EPM2A: variants seen among roughly 807,000 people sequenced by gnomAD.
EPM2A encodes the protein EPM2A glucan phosphatase, laforin.
A neutral mutation model predicts 26.5 loss-of-function variants in EPM2A; 21 were observed. That is an observed-to-expected ratio of 0.79 (90% CI 0.56 to 1.14). EPM2A has a LOEUF of 1.14. Ranked by LOEUF, EPM2A falls within the 50% of genes most tolerant of loss-of-function variation. The pLI is 0.00. For missense variants in EPM2A, 458 were observed against 440.8 expected (o/e 1.04, Z -0.35); for synonymous variants, 217 against 177.6 (o/e 1.22, Z -1.76).
intron 2 of EPM2A, among the ~76,000 whole-genome samples, chr6:145,620,118 G>A (rs1454220531): frequency 6.6e-6 from 1 of 152,142 alleles, no homozygotes; most frequent in Non-Finnish European, 1.5e-5. Context: ...TTAGACCAGT[G>A]GTCCCCAACC....
intron 2 of EPM2A, among the ~76,000 whole-genome samples, chr6:145,660,594 G>A (rs1390650693): frequency 6.6e-6 from 1 of 152,142 alleles, no homozygotes; most frequent in East Asian, 1.9e-4. Context: ...CTGAGGTCAG[G>A]AATTCGAGAC....
intron 4 of EPM2A, among the ~76,000 whole-genome samples, chr6:145,406,651 CAG>C (rs1299547309): frequency 6.6e-6 from 1 of 152,116 alleles, no homozygotes; most frequent in African/African-American, 2.4e-5. Context: ...GACACTTGGT[CAG>C]AGACTGGATT....
intron 2 of EPM2A, among the ~76,000 whole-genome samples, chr6:145,681,354 C>T: frequency 6.6e-6 from 1 of 150,996 alleles, no homozygotes; most frequent in Non-Finnish European, 1.5e-5. Context: ...CCTGTTCACT[C>T]TGATGGTAGT....
intron 1 of EPM2A, among the ~76,000 whole-genome samples, chr6:145,727,373 T>C (rs779002224): frequency 1.3e-5 from 2 of 152,184 alleles, no homozygotes; most frequent in Non-Finnish European, 2.9e-5. Context: ...ATGGGATTCA[T>C]AGCAGATTAG....
intron 2 of EPM2A, among the ~76,000 whole-genome samples, chr6:145,556,909 A>G (rs1780734751): frequency 1.3e-5 from 2 of 152,124 alleles, no homozygotes; most frequent in African/African-American, 2.4e-5. Context: ...TTGGTGGTGT[A>G]TATATGGAAA....
intron 4 of EPM2A, among the ~76,000 whole-genome samples, chr6:145,457,503 A>G (rs1385273865): frequency 1.3e-5 from 2 of 151,876 alleles, no homozygotes; most frequent in Admixed American, 6.6e-5. Context: ...AAAAAAGAAA[A>G]AGAAAAAAAT....
intron 2 of EPM2A, among the ~76,000 whole-genome samples, chr6:145,528,178 A>G (rs1452064230): frequency 2.6e-5 from 4 of 152,176 alleles, no homozygotes; most frequent in Non-Finnish European, 5.9e-5. Flanking sequence ...CCCATAACAC[A>G]AAAGTGCAAG....
At chr6:145,702,254 C>G (rs1781954990) in intron 1 of EPM2A, among the ~76,000 whole-genome samples, 1 of 152,134 alleles carries the variant, frequency 6.6e-6, no homozygotes, top group Non-Finnish European at 1.5e-5. Flanking sequence ...ATTTCTTTAC[C>G]TGTGTGCAAT....
chr6:145,477,329 A>T (rs1012890805), intron 4 of EPM2A, among the ~76,000 whole-genome samples: 1 of 151,974 alleles, frequency 6.6e-6, no homozygotes, highest in African/African-American at 2.4e-5. Context: ...TGATGGCTTC[A>T]CTGTTGAATT....
chr6:145,640,501 G>A (rs1365401372), intron 2 of EPM2A: 1 of 151,964 alleles, frequency 6.6e-6, no homozygotes, highest in South Asian at 2.1e-4. Context: ...CCATACAAAC[G>A]GAGCACCATT....
rs763551749 is a variant in EPM2A at position 145,656,969 on chromosome 6, T to A, written c.477-21483A>T. Among the ~76,000 whole-genome samples, 10 of 152,306 alleles carry A rather than the reference T, an allele frequency of 6.6e-5. No individual in the cohort carries two copies. The South Asian group carries it at 2.1e-3, about 32-fold the overall frequency. On this transcript the variant is annotated intron_variant, in intron 2 of 3. Coordinates refer to ENST00000367519, the MANE Select transcript of EPM2A (RefSeq NM_005670.4). ...AGAAAAGCTAGAAATTTTTTCAGTG[T>A]TCACTAACAAAATCAGGCAGAATTC...
At chr6:145,730,554 T>C (rs1028891080) in intron 1 of EPM2A, among the ~76,000 whole-genome samples, 2 of 152,068 alleles carry the variant, frequency 1.3e-5, no homozygotes, top group East Asian at 3.9e-4. Flanking sequence ...CTTGAGAAAA[T>C]AAAGCCAAGA....
Position 145,625,996 on chromosome 6 carries a change from G to A in EPM2A, c.*1420C>T. 2 of 1,136,312 alleles carry A rather than the reference G, an allele frequency of 1.8e-6. No homozygotes were observed. The highest frequency in any genetic ancestry group is 1.2e-6 in the Non-Finnish European group (1 of 861,816). The allele number at this position is 1,136,312 out of a possible 1,614,324, so 70.4% of individuals were successfully genotyped here. A position where few individuals can be genotyped will look rare whatever the true frequency, so the allele number is the denominator to read the frequency against. ...ATTCATCATGTGACAATAGACAGTT[G>A]AGTTAACCCTTCTGACCTTAGTTTC... On this transcript the variant is annotated 3_prime_UTR_variant, in exon 4 of 4. Coordinates refer to ENST00000367519, the MANE Select transcript of EPM2A (RefSeq NM_005670.4).
intron 2 of EPM2A, among the ~76,000 whole-genome samples, chr6:145,542,382 A>G (rs930707349): frequency 2.0e-5 from 3 of 152,224 alleles, no homozygotes; most frequent in African/African-American, 4.8e-5. Flanking sequence ...GTGAACAGTC[A>G]TGCATCCTGG....
chr6:145,584,230 G>A (rs894250933), intron 2 of EPM2A, among the ~76,000 whole-genome samples: 8 of 152,146 alleles, frequency 5.3e-5, no homozygotes, highest in Admixed American at 3.3e-4. Context: ...GTGTCAGTAG[G>A]GTCCAGTGTG....
intron 2 of EPM2A, among the ~76,000 whole-genome samples, chr6:145,602,942 A>G (rs1226255985): frequency 6.6e-6 from 1 of 152,234 alleles, no homozygotes; most frequent in African/African-American, 2.4e-5. Context: ...CATAAGCCTC[A>G]GTAGCTTCAT....
intron 4 of EPM2A, among the ~76,000 whole-genome samples, chr6:145,475,466 G>A (rs1232359403): frequency 1.3e-5 from 2 of 152,092 alleles, no homozygotes; most frequent in Non-Finnish European, 2.9e-5. Flanking sequence ...CCTGTTGATG[G>A]GTGGGAGGCT....
intron 2 of EPM2A, among the ~76,000 whole-genome samples, chr6:145,554,536 C>T (rs1450953721): frequency 6.6e-6 from 1 of 152,020 alleles, no homozygotes; most frequent in Non-Finnish European, 1.5e-5. Context: ...TCTGTTGCTA[C>T]AACAGAATAC....
chr6:145,561,332 G>A (rs1780802047), intron 2 of EPM2A, among the ~76,000 whole-genome samples: 1 of 152,032 alleles, frequency 6.6e-6, no homozygotes, highest in South Asian at 2.1e-4. Context: ...ACTCTATGAT[G>A]TTTACACAAT....
Sources: gnomAD v4.1 joint callset for allele counts (sites outside exome capture counted in the v4.1 genomes callset) on GRCh38, gnomAD v4.1.1 for gene constraint, MANE v1.5 for transcripts, NCBI Gene and HGNC (gene_info 2026-07-23, HGNC 2026-07-21) for gene names.